Variants in WDR86 observed in about 807,000 individuals in gnomAD.
WDR86 encodes WD repeat domain 86.
In WDR86, 30 loss-of-function variants were observed where a neutral mutation model predicts 36.5. That is an observed-to-expected ratio of 0.82 (90% CI 0.61 to 1.11). The LOEUF is 1.11. Ranked by LOEUF, WDR86 falls within the 50% of genes most tolerant of loss-of-function variation. The probability of loss-of-function intolerance (pLI) is 0.00; values close to 1 mark genes in which losing one functional copy is unlikely to be tolerated. For synonymous variants in WDR86, 255 were observed against 252.9 expected (o/e 1.01, Z -0.08); for missense variants, 545 against 561.2 (o/e 0.97, Z 0.29).
rs1456727125 is a variant in WDR86 at position 151,409,183 on chromosome 7, A to C, written c.163+244T>G. ...TCGCCTTTGTAGCGGACGCCCCTCG[A>C]CCCACCCACCCGATCCCGGCCGCAC... On this transcript the variant is annotated intron_variant, in intron 1 of 5. Coordinates refer to ENST00000334493, the MANE Select transcript of WDR86 (RefSeq NM_198285.3). This position sits in a 1 kb window ranked among gnomAD's most constrained non-coding sequence, Gnocchi z 5.2. The C allele has an allele frequency of 3.2e-6, 2 of 621,094 alleles. No homozygotes were observed. Among genetic ancestry groups the C allele is most frequent in the Non-Finnish European group, 5.9e-6 (2 of 338,618 alleles). 38.5% of individuals were successfully genotyped at this position (621,094 alleles called of 1,614,324 possible).
In WDR86 at chr7:151,385,208, C is replaced by T. The variant is rs201559645; in HGVS notation, c.742G>A (p.Val248Met). 6.4e-4 allele frequency: 1,025 copies of T among 1,612,170 alleles called. 7 individuals carry two copies. Among genetic ancestry groups the T allele is most frequent in the Middle Eastern group, 5.2e-3 (31 of 6,000 alleles). Residue 248 changes from valine (V) to methionine (M), a missense_variant, in exon 4 of 6, where the codon GTG (valine) becomes ATG (methionine). By Grantham distance (21) the Val-to-Met change is conservative (BLOSUM62 1). Coordinates refer to ENST00000334493, the MANE Select transcript of WDR86 (RefSeq NM_198285.3). Reference protein sequence around the residue: ...VICLELVNRLVYSGSADRTVK... With the variant: ...VICLELVNRLMYSGSADRTVK... The stretch of plus-strand genomic sequence containing the variant: ...GTCCTGTCCGCGCTGCCAGAGTACA[C>T]GAGTCGGTTCACCAGCTGCGAGGAG...
rs180875784 is a variant in WDR86, at chr7:151,388,218, C to T, written c.727-2995G>A. 9.0e-4 allele frequency among the ~76,000 whole-genome samples: 137 copies of T among 152,342 alleles called. 1 individual carries two copies. Among genetic ancestry groups the T allele is most frequent in the Non-Finnish European group, 1.3e-3 (90 of 68,030 alleles). On this transcript the variant is annotated intron_variant, in intron 3 of 5. Transcript: ENST00000334493. This position sits in a 1 kb window ranked among gnomAD's most constrained non-coding sequence, Gnocchi z 4.2. ...TTCTCTGGCTGGATTTGAAATGCTT[C>T]GTTTCTTTAAAATCACAATGTTGCT...
downstream of WDR86, among the ~76,000 whole-genome samples, chr7:151,372,955 T>A (rs2150716873): frequency 6.6e-6 from 1 of 152,276 alleles, no homozygotes; most frequent in African/African-American, 2.4e-5. Flanking sequence ...AGTCTACAGA[T>A]GTCTTCATCC....
Position 151,409,523 on chromosome 7 carries a change from G to A in WDR86, c.67C>T (p.Leu23=). 2 of 1,529,290 alleles carry A rather than the reference G, an allele frequency of 1.3e-6. No individual in the cohort carries two copies. The highest frequency in any genetic ancestry group is 8.7e-7 in the Non-Finnish European group (1 of 1,143,776). 94.7% of individuals were successfully genotyped at this position (1,529,290 alleles called of 1,614,324 possible). A position where few individuals can be genotyped will look rare whatever the true frequency, so the allele number is the denominator to read the frequency against. ...DHRGGINWLS[L]SPDGQRLLTG... is the part of the protein sequence containing the mutation. Reference sequence around the variant, plus strand: ...AGCAGGCGCTGCCCGTCGGGGCTCAGGCTCAGCCAGTTGATGCCCCCGCGG... The same window carrying A: ...AGCAGGCGCTGCCCGTCGGGGCTCAAGCTCAGCCAGTTGATGCCCCCGCGG... The change falls in exon 1 of 6, where the codon CTG becomes TTG. Residue 23 remains leucine (L), a synonymous_variant. Transcript: ENST00000334493. This position sits in a 1 kb window ranked among gnomAD's most constrained non-coding sequence, Gnocchi z 5.2.
At chr7:151,387,321 C>T (rs1799059576) in intron 3 of WDR86, among the ~76,000 whole-genome samples, 1 of 152,144 alleles carries the variant, frequency 6.6e-6, no homozygotes, top group Non-Finnish European at 1.5e-5. Context: ...TGTTCCCTGG[C>T]AGCCGGCCCT....
At chr7:151,394,174 T>C (rs1160252633) in intron 3 of WDR86, among the ~76,000 whole-genome samples, 1 of 152,184 alleles carries the variant, frequency 6.6e-6, no homozygotes, top group African/African-American at 2.4e-5. Context: ...GCTGATTTGC[T>C]TCTTTGTCCA....
Position 151,409,933 on chromosome 7 carries a change from A to C in WDR86, c.-344T>G. The C allele has an allele frequency of 9.4e-7, 1 of 1,059,920 alleles. No homozygotes were observed. Among genetic ancestry groups the C allele is most frequent in the Non-Finnish European group, 1.1e-6 (1 of 878,750 alleles). The allele number at this position is 1,059,920 out of a possible 1,614,324, so 65.7% of individuals were successfully genotyped here. A position where few individuals can be genotyped will look rare whatever the true frequency, so the allele number is the denominator to read the frequency against. On this transcript the variant is annotated 5_prime_UTR_variant, in exon 1 of 6. Transcript: ENST00000334493. This position sits in a 1 kb window ranked among gnomAD's most constrained non-coding sequence, Gnocchi z 5.2. ...CAAGGCAGCTGCGTCTCTGGTGCACAAGGAGCCCCCCGCCTCCTCTCGCGC... is the reference window on the plus strand; with the variant it reads ...CAAGGCAGCTGCGTCTCTGGTGCACCAGGAGCCCCCCGCCTCCTCTCGCGC...
At chr7:151,404,466 A>G (rs1800566281) in intron 1 of WDR86, among the ~76,000 whole-genome samples, 1 of 152,006 alleles carries the variant, frequency 6.6e-6, no homozygotes, top group African/African-American at 2.4e-5. Flanking sequence ...CCTATGTTCC[A>G]CAGAACACAA....
At chr7:151,389,260 A>G (rs1799226958) in intron 3 of WDR86, among the ~76,000 whole-genome samples, 2 of 151,602 alleles carry the variant, frequency 1.3e-5, no homozygotes, top group South Asian at 4.2e-4. Context: ...CCGGCCCTCC[A>G]GTCTAAGGTA....
At chr7:151,403,821 G>A (rs766375998) in intron 1 of WDR86, among the ~76,000 whole-genome samples, 2 of 152,160 alleles carry the variant, frequency 1.3e-5, no homozygotes, top group Non-Finnish European at 2.9e-5. Context: ...CCCTGCTGCC[G>A]CCAGGAGGGC....
chr7:151,376,955 C>G (rs1327165507), downstream of WDR86: 34 of 1,410,546 alleles, frequency 2.4e-5, no homozygotes, highest in South Asian at 4.7e-4. Context: ...GTGTGGCCAG[C>G]AAGAGGCACA....
chr7:151,383,181 G>A (rs796904019), intron 4 of WDR86, among the ~76,000 whole-genome samples: 39 of 151,028 alleles, frequency 2.6e-4, no homozygotes, highest in Non-Finnish European at 3.3e-4. Context: ...GGCGGGGTGG[G>A]GGGGGGGAGC....
At chr7:151,376,305 T>C (rs1798237417), downstream of WDR86, 5 of 477,056 alleles carry the variant, frequency 1.0e-5, no homozygotes, top group South Asian at 1.2e-4. Flanking sequence ...TCCACATTTG[T>C]GCCCCTACAC....
At chr7:151,375,179 T>C (rs1294925355), downstream of WDR86, among the ~76,000 whole-genome samples, 1 of 152,236 alleles carries the variant, frequency 6.6e-6, no homozygotes, top group African/African-American at 2.4e-5. Flanking sequence ...CACAAGTCAG[T>C]ACTTTTGTAA....
upstream of WDR86, chr7:151,410,131 T>A: frequency 1.0e-6 from 1 of 953,790 alleles, no homozygotes; most frequent in Non-Finnish European, 1.2e-6. Context: ...GCCTGCAGCC[T>A]CCCCCCTTCG....
chr7:151,381,239 G>C lies in WDR86; in HGVS notation c.*343C>G. 7.7e-7 allele frequency: 1 copy of C among 1,292,246 alleles called. No individual in the cohort carries two copies. The highest frequency in any genetic ancestry group is 2.6e-5 in the South Asian group (1 of 39,066). The allele number at this position is 1,292,246 out of a possible 1,614,324, so 80.0% of individuals were successfully genotyped here. ...AAAGTCACTTCCTCTCAGCAGGAAA[G>C]GCCCAGTTTCGTGGGGCTGGGGGAG... On this transcript the variant is annotated 3_prime_UTR_variant, in exon 6 of 6. Transcript: ENST00000334493. The surrounding 1 kb of genome is among the most constrained non-coding windows in gnomAD (Gnocchi z 4.8).
chr7:151,410,538 T>C (rs1584810618), upstream of WDR86: 2 of 151,612 alleles, frequency 1.3e-5, no homozygotes, highest in Admixed American at 6.6e-5. Flanking sequence ...CTGGCCGGAG[T>C]GGGGATGAGG....
intron 2 of WDR86, among the ~76,000 whole-genome samples, 157 bp downstream of exon 2, chr7:151,399,943 G>T (rs574279370): frequency 5.9e-5 from 9 of 152,340 alleles, no homozygotes; most frequent in African/African-American, 2.2e-4. Context: ...CTGGGTCCAC[G>T]TCGCTGGGTG....
chr7:151,409,322 G>A lies in WDR86; in HGVS notation c.163+105C>T, dbSNP rs1227424227. 6.7e-7 allele frequency: 1 copy of A among 1,490,188 alleles called. No individual in the cohort carries two copies. Among genetic ancestry groups the A allele is most frequent in the Non-Finnish European group, 9.1e-7 (1 of 1,098,566 alleles). The allele number at this position is 1,490,188 out of a possible 1,614,324, so 92.3% of individuals were successfully genotyped here. ...TCCGCTAGTGTGCCGGGATGAGCGG[G>A]GGCTGGACTTCTAGAAAGGGGTCTG... On this transcript the variant is annotated intron_variant, in intron 1 of 5. Transcript: ENST00000334493. The surrounding 1 kb of genome is among the most constrained non-coding windows in gnomAD (Gnocchi z 5.2).
Sources: allele counts gnomAD v4.1 joint callset (sites outside exome capture counted in the v4.1 genomes callset), GRCh38; gene constraint gnomAD v4.1.1; non-coding constraint Gnocchi (gnomAD v3.1); transcripts MANE v1.5; gene names NCBI Gene and HGNC (gene_info 2026-07-23, HGNC 2026-07-21).